CTNNA3: variants seen among roughly 807,000 people sequenced by gnomAD.
CTNNA3 encodes catenin alpha-3.
In CTNNA3, 76 loss-of-function variants were observed where a neutral mutation model predicts 95.7. The ratio of observed to expected loss-of-function variants is 0.79; its 90% CI spans 0.66 to 0.96. The LOEUF is 0.96. Ranked by LOEUF, CTNNA3 falls within the 40% of genes least tolerant of loss-of-function variation. CTNNA3 has a pLI of 0.00. For synonymous variants in CTNNA3, 431 were observed against 374.4 expected (o/e 1.15, Z -1.74); for missense variants, 1,191 against 1,089.8 (o/e 1.09, Z -1.31).
At chr10:66,417,526 G>C (rs2093157281) in intron 11 of CTNNA3, among the ~76,000 whole-genome samples, 1 of 151,898 alleles carries the variant, frequency 6.6e-6, no homozygotes, top group East Asian at 1.9e-4. Flanking sequence ...AGAACAAACA[G>C]ACCTAACAGA....
At chr10:65,980,341 CCAACAA>C (rs758640837) in intron 16 of CTNNA3, among the ~76,000 whole-genome samples, 2 of 151,306 alleles carry the variant, frequency 1.3e-5, no homozygotes, top group African/African-American at 4.8e-5. Context: ...TTAAAAATTG[CCAACAA>C]CAACAACAAA....
At chr10:66,724,058 T>C (rs1457504565) in intron 9 of CTNNA3, among the ~76,000 whole-genome samples, 3 of 152,128 alleles carry the variant, frequency 2.0e-5, no homozygotes, top group African/African-American at 7.2e-5. Flanking sequence ...TGCTACTCCC[T>C]GTGTTTCCTC....
intron 11 of CTNNA3, among the ~76,000 whole-genome samples, chr10:66,411,227 A>C (rs2132595934): frequency 6.6e-6 from 1 of 152,058 alleles, no homozygotes; most frequent in African/African-American, 2.4e-5. Flanking sequence ...TCTTTGGTAA[A>C]ATCATTGATT....
At chr10:67,691,722 G>T (rs1840859451) in intron 1 of CTNNA3, among the ~76,000 whole-genome samples, 1 of 151,930 alleles carries the variant, frequency 6.6e-6, no homozygotes, top group South Asian at 2.1e-4. Flanking sequence ...GAAGTGAGGA[G>T]TGTCTCCGCC....
chr10:67,418,487 C>A (rs1266139216), intron 5 of CTNNA3, among the ~76,000 whole-genome samples: 1 of 146,024 alleles, frequency 6.8e-6, no homozygotes, highest in Non-Finnish European at 1.5e-5. Context: ...CAGGGGTATA[C>A]ACACACAATT....
intron 7 of CTNNA3, among the ~76,000 whole-genome samples, chr10:67,148,797 A>T (rs1482714683): frequency 6.6e-6 from 1 of 152,250 alleles, no homozygotes; most frequent in African/African-American, 2.4e-5. Context: ...TGCAGTAAGC[A>T]TTACTGCCAA....
intron 7 of CTNNA3, among the ~76,000 whole-genome samples, chr10:66,862,515 T>A (rs1232336686): frequency 6.6e-6 from 1 of 152,042 alleles, no homozygotes; most frequent in South Asian, 2.1e-4. Flanking sequence ...GGAGGGGATA[T>A]GGAACAGAGA....
chr10:66,383,741 A>G (rs9414925), intron 11 of CTNNA3, among the ~76,000 whole-genome samples: 94,259 of 152,070 alleles, frequency 0.62, 30,267 homozygotes, highest in East Asian at 0.88. Flanking sequence ...GACTAACAGC[A>G]GATCTCTTGG....
intron 10 of CTNNA3, among the ~76,000 whole-genome samples, chr10:66,546,520 T>C (rs1308035924): frequency 6.6e-6 from 1 of 152,080 alleles, no homozygotes; most frequent in Non-Finnish European, 1.5e-5. Context: ...AGGAAAGAGG[T>C]TTAATTGACT....
intron 7 of CTNNA3, among the ~76,000 whole-genome samples, chr10:67,139,989 C>T (rs1005677338): frequency 2.0e-5 from 3 of 152,138 alleles, no homozygotes; most frequent in Non-Finnish European, 4.4e-5. Flanking sequence ...TTTGATCTGT[C>T]TATAGAGTGC....
chr10:67,288,565 C>T (rs1839699020), intron 5 of CTNNA3, among the ~76,000 whole-genome samples: 2 of 152,122 alleles, frequency 1.3e-5, no homozygotes, highest in Non-Finnish European at 2.9e-5. Flanking sequence ...GTGGAACAAA[C>T]CAGCTTCCGC....
At chr10:66,537,300 C>T (rs1369877652) in intron 10 of CTNNA3, among the ~76,000 whole-genome samples, 1 of 151,984 alleles carries the variant, frequency 6.6e-6, no homozygotes, top group Non-Finnish European at 1.5e-5. Context: ...AAGACCAGAC[C>T]ACATCTTTAT....
intron 5 of CTNNA3, among the ~76,000 whole-genome samples, chr10:67,461,853 G>A (rs974779805): frequency 6.6e-6 from 1 of 152,188 alleles, no homozygotes; most frequent in African/African-American, 2.4e-5. Context: ...GAGATGGCCA[G>A]TCCTAGAAAG....
chr10:66,307,479 T>C (rs574750663), intron 12 of CTNNA3, among the ~76,000 whole-genome samples: 1 of 152,328 alleles, frequency 6.6e-6, no homozygotes, highest in East Asian at 1.9e-4. Context: ...ATATTGTAAA[T>C]TGATATTAGA....
chr10:66,119,849 T>C (rs952230628), intron 13 of CTNNA3, among the ~76,000 whole-genome samples: 3 of 152,148 alleles, frequency 2.0e-5, no homozygotes, highest in African/African-American at 4.8e-5. Context: ...CTTTCCTGTC[T>C]AATATTTATT....
At chr10:66,850,989 G>GT (rs1411841113) in intron 7 of CTNNA3, among the ~76,000 whole-genome samples, 2 of 152,048 alleles carry the variant, frequency 1.3e-5, no homozygotes, top group African/African-American at 4.8e-5. Context: ...ATTATACCCT[G>GT]TTTTCATCAT....
chr10:67,221,686 T>C (rs57853232), intron 5 of CTNNA3, among the ~76,000 whole-genome samples: 1 of 152,168 alleles, frequency 6.6e-6, no homozygotes, highest in Admixed American at 6.5e-5. Context: ...GCAGTTCTCC[T>C]GCCTCGGCCT....
chr10:66,924,966 A>G (rs575628404), intron 7 of CTNNA3, among the ~76,000 whole-genome samples: 1 of 152,304 alleles, frequency 6.6e-6, no homozygotes, highest in South Asian at 2.1e-4. Flanking sequence ...CTTAGTTTTT[A>G]TACTTCTTTA....
intron 9 of CTNNA3, among the ~76,000 whole-genome samples, chr10:66,660,446 C>T (rs553267033): frequency 6.6e-6 from 1 of 152,124 alleles, no homozygotes; most frequent in African/African-American, 2.4e-5. Flanking sequence ...TTAGGGACAA[C>T]CTTCATACTG....
Sources: allele counts gnomAD v4.1 joint callset (sites outside exome capture counted in the v4.1 genomes callset), GRCh38; gene constraint gnomAD v4.1.1; transcripts MANE v1.5; gene names NCBI Gene and HGNC (gene_info 2026-07-23, HGNC 2026-07-21).